Variants in GGT1 observed in about 807,000 individuals in gnomAD.
GGT1 encodes gamma-glutamyltransferase 1.
In GGT1, 21 loss-of-function variants were observed where a neutral mutation model predicts 56.0. That is an observed-to-expected ratio of 0.38 (90% confidence interval 0.27 to 0.54). The LOEUF is 0.54. Ranked by LOEUF, GGT1 falls within the 20% of genes least tolerant of loss-of-function variation. The probability of loss-of-function intolerance (pLI) is 0.82; values close to 1 mark genes in which losing one functional copy is unlikely to be tolerated. For missense variants in GGT1, 466 were observed against 787.0 expected (o/e 0.59, Z 4.88); for synonymous variants, 238 against 342.6 (o/e 0.69, Z 3.37).
chr22:24,621,601 T>C (rs1348374624), intron 9 of GGT1, among the ~76,000 whole-genome samples: 1 of 151,584 alleles, frequency 6.6e-6, no homozygotes, highest in Non-Finnish European at 1.5e-5. Context: ...GTGATTAGCG[T>C]GTCGACCTTT....
chr22:24,590,916 T>C (rs887362882), upstream of GGT1, among the ~76,000 whole-genome samples: 2 of 151,998 alleles, frequency 1.3e-5, no homozygotes. Flanking sequence ...TCATCCCTTC[T>C]CTCTCCCCAC....
chr22:24,586,506 A>G, the GGT1 span: 1 of 1,264,808 alleles, frequency 7.9e-7, no homozygotes. Flanking sequence ...CCAGGCCTAC[A>G]GTCTGGCAAA....
At chr22:24,592,527 A>G, upstream of GGT1, 1 of 435,460 alleles carries the variant, frequency 2.3e-6, no homozygotes, top group Non-Finnish European at 4.6e-6. Flanking sequence ...CAGGGCCTGA[A>G]TTTGGGCTCT....
At chr22:24,605,037 A>ATAT (rs1569047530) in intron 1 of GGT1, among the ~76,000 whole-genome samples, 4 of 50,042 alleles carry the variant, frequency 8.0e-5, no homozygotes, top group African/African-American at 4.4e-4. Context: ...TATATATATA[A>ATAT]AATATGTAAT....
upstream of GGT1, among the ~76,000 whole-genome samples, chr22:24,591,575 A>G (rs144006477): frequency 2.0e-5 from 3 of 152,304 alleles, no homozygotes; most frequent in African/African-American, 7.2e-5. Flanking sequence ...GGAGCAGGAT[A>G]GGCCCCGGCT....
At chr22:24,599,874 G>A (rs976370933), upstream of GGT1, among the ~76,000 whole-genome samples, 30 of 152,352 alleles carry the variant, frequency 2.0e-4, no homozygotes, top group Middle Eastern at 3.4e-3. Context: ...GCGCAGTTTT[G>A]GCATCAGTGA....
At chr22:24,604,452 A>C (rs961822881) in intron 1 of GGT1, among the ~76,000 whole-genome samples, 18 of 152,106 alleles carry the variant, frequency 1.2e-4, no homozygotes, top group Non-Finnish European at 2.4e-4. Flanking sequence ...CATCCTGGGA[A>C]GCTGCTCTGC....
the GGT1 span, chr22:24,585,838 G>A: frequency 6.7e-7 from 1 of 1,487,384 alleles, no homozygotes; most frequent in South Asian, 1.3e-5. Flanking sequence ...ACTATCATGT[G>A]CTTGAGAGCA....
rs2047937166 is a variant in GGT1, at chr22:24,628,617, G to A, written c.1564-76G>A. 1 of 1,610,530 alleles carries A rather than the reference G, an allele frequency of 6.2e-7. No homozygotes were observed. Among genetic ancestry groups the A allele is most frequent in the Admixed American group, 1.7e-5 (1 of 59,992 alleles). On this transcript the variant is annotated intron_variant, in intron 15 of 15. Transcript: ENST00000400382. The surrounding 1 kb of genome is among the most constrained non-coding windows in gnomAD (Gnocchi z 5.7). Reference sequence around the variant, plus strand: ...CCCGAAATGGCACCACCTGGGCTGAGGCCTGTGACCACACAGATGTGGTTC... The same window carrying A: ...CCCGAAATGGCACCACCTGGGCTGAAGCCTGTGACCACACAGATGTGGTTC...
At chr22:24,586,519 C>G in the GGT1 span, 23 of 1,158,662 alleles carry the variant, frequency 2.0e-5, no homozygotes, top group Non-Finnish European at 2.6e-5. Context: ...CTGGCAAAGC[C>G]AGATTCAAAC....
At chr22:24,619,400 G>GA (rs372709571) in intron 7 of GGT1, among the ~76,000 whole-genome samples, 3,142 of 96,052 alleles carry the variant, frequency 0.033, 119 homozygotes, top group African/African-American at 0.084. Context: ...CTCCATCTCA[G>GA]AAAAAAAAAA....
rs556119278 is a variant in GGT1, at chr22:24,614,755, C to T, written c.165-21C>T. On this transcript the variant is annotated intron_variant, in intron 5 of 15. Transcript: ENST00000400382. ...GGGTGGAAGCCTGCAGGTTCTCATG[C>T]CTTTATGTGCCACATGGCAGGGATG... 9 of 1,612,600 alleles carry T rather than the reference C, an allele frequency of 5.6e-6. No homozygotes were observed. In the African/African-American group the frequency reaches 1.2e-4, roughly 22 times the overall value.
chr22:24,626,513 A>T (rs200076346), intron 11 of GGT1, among the ~76,000 whole-genome samples: 49 of 137,442 alleles, frequency 3.6e-4, no homozygotes, highest in South Asian at 1.4e-3. Flanking sequence ...TATTTTTTTT[A>T]ATACGTGCAC....
upstream of GGT1, chr22:24,592,684 G>A (rs1404769985): frequency 8.6e-7 from 1 of 1,159,020 alleles, no homozygotes; most frequent in African/African-American, 1.6e-5. Flanking sequence ...GCCCACGCAA[G>A]ACCCCGCGTG....
rs556119278 is a variant in GGT1, at chr22:24,614,755, C to G, written c.165-21C>G. The G allele has an allele frequency of 2.3e-4, 373 of 1,612,718 alleles. 4 individuals carry two copies. In the East Asian group the frequency reaches 8.2e-3, roughly 35 times the overall value. On this transcript the variant is annotated intron_variant, in intron 5 of 15. Transcript: ENST00000400382. ...GGGTGGAAGCCTGCAGGTTCTCATG[C>G]CTTTATGTGCCACATGGCAGGGATG...
chr22:24,611,253 G>A lies in GGT1; in HGVS notation c.164+8G>A, dbSNP rs1228367609. 2.6e-6 allele frequency: 4 copies of A among 1,529,512 alleles called. No homozygotes were observed. The highest frequency in any genetic ancestry group is 3.6e-6 in the Non-Finnish European group (4 of 1,126,550). The allele number at this position is 1,529,512 out of a possible 1,614,324, so 94.7% of individuals were successfully genotyped here. On this transcript the variant is annotated splice_region_variant and intron_variant, in intron 5 of 15. Coordinates refer to ENST00000400382, the MANE Select transcript of GGT1 (RefSeq NM_001288833.2). ...GTGCTCGAAGATTGGGAGGTGAGCA[G>A]GGCAGGGCATGGGACATGGGCCCTG...
intron 9 of GGT1, among the ~76,000 whole-genome samples, chr22:24,622,594 CA>C (rs2047499010): frequency 6.6e-6 from 1 of 151,816 alleles, no homozygotes; most frequent in Non-Finnish European, 1.5e-5. Context: ...CAAAACACAA[CA>C]AAAAAATTAA....
upstream of GGT1, among the ~76,000 whole-genome samples, chr22:24,593,382 A>G (rs1406990972): frequency 6.6e-6 from 1 of 150,602 alleles, no homozygotes; most frequent in Non-Finnish European, 1.5e-5. Context: ...TTGACCGTGC[A>G]AAGAGCATTC....
intron 1 of GGT1, among the ~76,000 whole-genome samples, chr22:24,606,330 TCCTGTGTCC>T: frequency 6.6e-6 from 1 of 151,520 alleles, no homozygotes; most frequent in Admixed American, 6.6e-5. Context: ...ATGTTCCCCT[TCCTGTGTCC>T]AAGTGTTCTC....
Sources: gnomAD v4.1 joint callset for allele counts (sites outside exome capture counted in the v4.1 genomes callset) on GRCh38, gnomAD v4.1.1 for gene constraint, Gnocchi (gnomAD v3.1) non-coding constraint, MANE v1.5 for transcripts, NCBI Gene and HGNC (gene_info 2026-07-23, HGNC 2026-07-21) for gene names.